Variants in ETV6 observed in about 807,000 individuals in gnomAD.
ETV6 encodes ETS variant transcription factor 6, also known as transcription factor ETV6.
A neutral mutation model predicts 51.1 loss-of-function variants in ETV6; 16 were observed. That is an observed-to-expected ratio of 0.31 (90% CI 0.21 to 0.48). The LOEUF (loss-of-function observed/expected upper bound fraction) is 0.48, where lower values mean the gene tolerates loss of function less well. ETV6 is among the 20% of genes least tolerant of loss of function. The pLI is 0.99. For synonymous variants in ETV6, 240 were observed against 224.1 expected, an observed-to-expected ratio of 1.07 and a Z score of -0.64; for missense variants, 458 against 594.8, an observed-to-expected ratio of 0.77 and a Z score of 2.39.
intron 1 of ETV6, among the ~76,000 whole-genome samples, chr12:11,696,998 A>G (rs918877144): frequency 6.6e-6 from 1 of 152,226 alleles, no homozygotes; most frequent in Non-Finnish European, 1.5e-5. Flanking sequence ...TAGATAAGTT[A>G]TAGAAAAATT....
At position 11,838,141 on chromosome 12, in the gene ETV6, C is replaced by T. The variant is rs557857361; in HGVS notation, c.164-999C>T. Among the ~76,000 whole-genome samples, 9 of 152,284 alleles carry T rather than the reference C, an allele frequency of 5.9e-5. No homozygotes were observed. In the South Asian group the frequency reaches 1.5e-3, roughly 25 times the overall value. On this transcript the variant is annotated intron_variant, in intron 2 of 7. Coordinates refer to ENST00000396373, the MANE Select transcript of ETV6 (RefSeq NM_001987.5). ...GCTCATCTCTGTTTCTGCATTCAATCTGTTGCAAGATCACATCATATGCCT... is the reference window on the plus strand; with the variant it reads ...GCTCATCTCTGTTTCTGCATTCAATTTGTTGCAAGATCACATCATATGCCT...
chr12:11,787,119 A>T (rs1945498691), intron 2 of ETV6, among the ~76,000 whole-genome samples: 1 of 152,200 alleles, frequency 6.6e-6, no homozygotes, highest in South Asian at 2.1e-4. Flanking sequence ...TGGAGACAAT[A>T]TTGTAAGGTT....
At chr12:11,668,400 G>GT (rs66610011) in intron 1 of ETV6, among the ~76,000 whole-genome samples, 4,353 of 135,336 alleles carry the variant, frequency 0.032, 218 homozygotes, top group African/African-American at 0.1. Context: ...GCACTGTTTT[G>GT]TTTTTTTTTT....
rs1157351869 is a variant in ETV6 at position 11,892,494 on chromosome 12, C to CTGTT, written c.*1450_*1453dup. ...TGCCACTTCTTAGTATTTTTGAAAGCTGTTTTAGATTTTTTTTTTTTTTCC... is the reference window on the plus strand; with the variant it reads ...TGCCACTTCTTAGTATTTTTGAAAGCTGTTTGTTTTAGATTTTTTTTTTTTTTCC... On this transcript the variant is annotated 3_prime_UTR_variant, in exon 8 of 8. Coordinates refer to ENST00000396373, the MANE Select transcript of ETV6 (RefSeq NM_001987.5). The CTGTT allele has an allele frequency of 4.3e-5, 10 of 232,064 alleles. No individual in the cohort carries two copies. Among genetic ancestry groups the CTGTT allele is most frequent in the South Asian group, 3.6e-4 (2 of 5,488 alleles). 14.4% of individuals were successfully genotyped at this position (232,064 alleles called of 1,614,324 possible). A position where few individuals can be genotyped will look rare whatever the true frequency, so the allele number is the denominator to read the frequency against.
chr12:11,790,867 G>A (rs570701504), intron 2 of ETV6, among the ~76,000 whole-genome samples: 2 of 151,876 alleles, frequency 1.3e-5, no homozygotes, highest in African/African-American at 4.8e-5. Context: ...TAGTAGAGAC[G>A]GGCTTTCACC....
chr12:11,753,547 T>C (rs1866080042), intron 2 of ETV6, among the ~76,000 whole-genome samples: 1 of 152,232 alleles, frequency 6.6e-6, no homozygotes, highest in African/African-American at 2.4e-5. Flanking sequence ...TGGCACAGTC[T>C]TGCTCACCAT....
intron 1 of ETV6, among the ~76,000 whole-genome samples, chr12:11,654,349 A>T (rs527863397): frequency 5.9e-5 from 9 of 152,208 alleles, no homozygotes; most frequent in African/African-American, 2.2e-4. Flanking sequence ...TATTTTTTAC[A>T]GGGAGGGGAT....
At chr12:11,781,812 TG>T (rs1192419268) in intron 2 of ETV6, among the ~76,000 whole-genome samples, 2 of 152,224 alleles carry the variant, frequency 1.3e-5, no homozygotes, top group African/African-American at 4.8e-5. Flanking sequence ...TCCTACTTTA[TG>T]GCTTCTATAT....
intron 5 of ETV6, among the ~76,000 whole-genome samples, chr12:11,883,271 T>G (rs922800451): frequency 2.9e-4 from 8 of 27,592 alleles, no homozygotes; most frequent in Admixed American, 1.1e-3. Flanking sequence ...ACATCATGTC[T>G]TCTTCTTTTT....
intron 1 of ETV6, among the ~76,000 whole-genome samples, chr12:11,721,279 G>A (rs58953020): frequency 0.013 from 1,906 of 152,180 alleles, 41 homozygotes; most frequent in African/African-American, 0.044. Context: ...TTACTGCCAC[G>A]CTATTCACAG....
chr12:11,863,615 A>G (rs1161445428), intron 4 of ETV6, among the ~76,000 whole-genome samples: 1 of 152,208 alleles, frequency 6.6e-6, no homozygotes, highest in African/African-American at 2.4e-5. Context: ...ACCAAGAACA[A>G]ACCCAGACAT....
At position 11,869,551 on chromosome 12, in the gene ETV6, G is replaced by A; in HGVS notation, c.591G>A (p.Glu197=). 1.2e-6 allele frequency: 2 copies of A among 1,614,144 alleles called. No individual in the cohort carries two copies. Among genetic ancestry groups the A allele is most frequent in the Non-Finnish European group, 1.7e-6 (2 of 1,180,030 alleles). ...TTNHRPSPDP[E]QRPLRSPLDN... ...ATCACCGGCCTTCTCCTGACCCCGAGCAGCGGCCCCTCCGGTCCCCCCTGG... is the reference window on the plus strand; with the variant it reads ...ATCACCGGCCTTCTCCTGACCCCGAACAGCGGCCCCTCCGGTCCCCCCTGG... The change falls in exon 5 of 8, where the codon GAG becomes GAA. Residue 197 remains glutamate (E), a synonymous_variant. Transcript: ENST00000396373. This position sits in a 1 kb window ranked among gnomAD's most constrained non-coding sequence, Gnocchi z 5.0.
At chr12:11,881,494 C>T (rs1947092955) in intron 5 of ETV6, among the ~76,000 whole-genome samples, 1 of 152,200 alleles carries the variant, frequency 6.6e-6, no homozygotes, top group Admixed American at 6.5e-5. Flanking sequence ...AAGGCCCTGG[C>T]AGATGAGGCA....
intron 1 of ETV6, among the ~76,000 whole-genome samples, chr12:11,744,639 C>A (rs1865873989): frequency 6.6e-6 from 1 of 152,168 alleles, no homozygotes; most frequent in African/African-American, 2.4e-5. Flanking sequence ...TTGCTGAGCT[C>A]ATCTAATCTC....
intron 2 of ETV6, among the ~76,000 whole-genome samples, chr12:11,830,309 G>C (rs1946223648): frequency 6.6e-6 from 1 of 152,162 alleles, no homozygotes; most frequent in South Asian, 2.1e-4. Context: ...AGAGTGCAAG[G>C]GGCTTTTACA....
At chr12:11,857,534 T>A (rs1361159742) in intron 4 of ETV6, among the ~76,000 whole-genome samples, 1 of 151,866 alleles carries the variant, frequency 6.6e-6, no homozygotes, top group Non-Finnish European at 1.5e-5. Flanking sequence ...GAAGGGAGGG[T>A]GATTTTATAT....
rs1946939703 is a variant in ETV6, at chr12:11,874,550, ATATATGTGTATGTG to A, written c.1009+4582_1009+4595del. ...TATGTGTATGTGCGTGTGTACACAC[ATATATGTGTATGTG>A]CGTGTGTACACATATATGTGTGTAT... On this transcript the variant is annotated intron_variant, in intron 5 of 7. Transcript: ENST00000396373. Among the ~76,000 whole-genome samples, 2 of 1,848 alleles carry A rather than the reference ATATATGTGTATGTG, an allele frequency of 1.1e-3. 1 individual carries two copies. The highest frequency in any genetic ancestry group is 1.5e-3 in the African/African-American group (2 of 1,338). The allele number at this position is 1,848 out of a possible 152,430, so 1.2% of individuals were successfully genotyped here. A position where few individuals can be genotyped will look rare whatever the true frequency, so the allele number is the denominator to read the frequency against.
chr12:11,835,344 G>A (rs975467612), intron 2 of ETV6, among the ~76,000 whole-genome samples: 3 of 152,206 alleles, frequency 2.0e-5, no homozygotes, highest in Non-Finnish European at 4.4e-5. Flanking sequence ...CAGAGTAATG[G>A]TCTCTCTCCT....
In ETV6 at chr12:11,684,183, G is replaced by A. The variant is rs149480385; in HGVS notation, c.33+34023G>A. Among the ~76,000 whole-genome samples, 425 of 152,318 alleles carry A rather than the reference G, an allele frequency of 2.8e-3. 3 individuals are homozygous for A. Among genetic ancestry groups the A allele is most frequent in the Admixed American group, 4.1e-3 (62 of 15,302 alleles). ...AATGTAAACATCATGTGTACATGCA[G>A]TTCTTTCAATAAATACAAAATAATT... On this transcript the variant is annotated intron_variant, in intron 1 of 7. Coordinates refer to ENST00000396373, the MANE Select transcript of ETV6 (RefSeq NM_001987.5).
Sources: allele counts gnomAD v4.1 joint callset (sites outside exome capture counted in the v4.1 genomes callset), GRCh38; gene constraint gnomAD v4.1.1; non-coding constraint Gnocchi (gnomAD v3.1); transcripts MANE v1.5; gene names NCBI Gene and HGNC (gene_info 2026-07-23, HGNC 2026-07-21).